The following TCERG1 variants were observed in gnomAD, a reference collection of about 807,000 sequenced individuals.
The protein encoded by TCERG1 is TATA box binding protein (TBP)-associated factor, RNA polymerase II, S, 150kD.
TCERG1 carries 37 observed loss-of-function variants against 144.7 expected under a neutral mutation model. That is an observed-to-expected ratio of 0.26 (90% CI 0.20 to 0.34). The LOEUF (loss-of-function observed/expected upper bound fraction) is 0.34, where lower values mean the gene tolerates loss of function less well. TCERG1 is among the 10% of genes least tolerant of loss of function. TCERG1 has a pLI of 1.00. For synonymous variants in TCERG1, 492 were observed against 458.2 expected (o/e 1.07, Z -0.94); for missense variants, 1,027 against 1,380.7 (o/e 0.74, Z 4.06).
Position 146,461,287 on chromosome 5 carries a change from G to A in TCERG1, c.892+1950G>A, listed in dbSNP as rs1763305385. Among the ~76,000 whole-genome samples the A allele has an allele frequency of 2.6e-5, 4 of 152,082 alleles. 1 individual carries two copies. The South Asian group carries it at 8.3e-4, about 31-fold the overall frequency. On this transcript the variant is annotated intron_variant, in intron 4 of 22. Coordinates refer to ENST00000679501, the MANE Select transcript of TCERG1 (RefSeq NM_001382548.1). ...ATTTTGATGTTGTCTACGTATTCCA[G>A]TGTGTGTTTTTATTTTACTTGATTT...
At chr5:146,496,823 C>T (rs1433543625) in intron 16 of TCERG1, among the ~76,000 whole-genome samples, 1 of 150,664 alleles carries the variant, frequency 6.6e-6, no homozygotes, top group Non-Finnish European at 1.5e-5. Context: ...TGCCACCATG[C>T]CCAACCAATT....
intron 17 of TCERG1, chr5:146,500,030 G>T (rs1218301479): frequency 2.0e-5 from 3 of 151,934 alleles, no homozygotes; most frequent in African/African-American, 7.3e-5. Flanking sequence ...TGCCCAGAAT[G>T]TGTTAATTTT....
chr5:146,479,095 A>G (rs1765108498), intron 10 of TCERG1, among the ~76,000 whole-genome samples: 1 of 152,166 alleles, frequency 6.6e-6, no homozygotes, highest in Non-Finnish European at 1.5e-5. Flanking sequence ...CTGAGACTAG[A>G]CACCTAAACC....
rs754940863 is a variant in TCERG1, at chr5:146,507,032, G to A, written c.2786G>A (p.Arg929His). The A allele has an allele frequency of 1.9e-6, 3 of 1,568,768 alleles. No homozygotes were observed. Among genetic ancestry groups the A allele is most frequent in the Non-Finnish European group, 2.6e-6 (3 of 1,164,446 alleles). Reference sequence around the variant, plus strand: ...TATATAATTTTTTCTCTTCAGGTACGTTCTTCAGATGTGTCATGGTCTGAT... The same window carrying A: ...TATATAATTTTTTCTCTTCAGGTACATTCTTCAGATGTGTCATGGTCTGAT... ...NFKALLSDMV[R>H]SSDVSWSDTR... The change falls in exon 20 of 23, where the codon CGT becomes CAT. Residue 929 changes from arginine (R) to histidine (H), a missense_variant. Arg to His is a conservative substitution (Grantham distance 29). Around this residue, in one of 6 missense-constraint regions of TCERG1, gnomAD observed 133 missense variants for 283.2 expected, o/e 0.47. Coordinates refer to ENST00000679501, the MANE Select transcript of TCERG1 (RefSeq NM_001382548.1). The surrounding 1 kb of genome is among the most constrained non-coding windows in gnomAD (Gnocchi z 4.6).
intron 2 of TCERG1, 37 bp from the exon 3 acceptor site, chr5:146,457,146 A>T (rs763910186): frequency 6.3e-7 from 1 of 1,595,304 alleles, no homozygotes; most frequent in South Asian, 1.1e-5. Flanking sequence ...GAGGAAAAGT[A>T]ATTAAAGTGA....
intron 15 of TCERG1, among the ~76,000 whole-genome samples, chr5:146,490,194 G>T (rs146760277): frequency 1.3e-3 from 201 of 152,270 alleles, no homozygotes; most frequent in African/African-American, 4.6e-3. Flanking sequence ...TCTAGCAGGG[G>T]ACTGGTCAGG....
chr5:146,499,469 G>A (rs1052265516), intron 17 of TCERG1: 5 of 152,182 alleles, frequency 3.3e-5, no homozygotes, highest in African/African-American at 1.2e-4. Context: ...AGCTAAAACA[G>A]CTTTTATCAG....
chr5:146,498,445 A>T, intron 16 of TCERG1, 91 bp from the exon 17 acceptor site: 1 of 1,383,582 alleles, frequency 7.2e-7, no homozygotes. Context: ...TCTTTGTCAT[A>T]TACTCTTGTT....
At chr5:146,461,335 C>A (rs920256075) in intron 4 of TCERG1, among the ~76,000 whole-genome samples, 1 of 152,084 alleles carries the variant, frequency 6.6e-6, no homozygotes, top group Admixed American at 6.5e-5. Flanking sequence ...TGTTGTCTTA[C>A]TGCAATCTTA....
chr5:146,464,078 TC>T (rs1442058058), intron 5 of TCERG1, among the ~76,000 whole-genome samples: 1 of 152,234 alleles, frequency 6.6e-6, no homozygotes, highest in East Asian at 1.9e-4. Flanking sequence ...TAAATAATGT[TC>T]TAAATGCAAT....
In TCERG1 at chr5:146,495,647, G is replaced by A. The variant is rs867666849; in HGVS notation, c.2282+2609G>A. ...CTTAAAAATAATAAATGTTAGCTGT[G>A]AGTGATACTCTTAACCTTCAGTTGA... is the stretch of plus-strand genomic sequence containing the variant. On this transcript the variant is annotated intron_variant, in intron 16 of 22. Transcript: ENST00000679501. Among the ~76,000 whole-genome samples the A allele has an allele frequency of 5.4e-4, 83 of 152,298 alleles. 1 individual carries two copies. The highest frequency in any genetic ancestry group is 1.9e-3 in the African/African-American group (81 of 41,556).
At chr5:146,461,545 A>G (rs555902702) in intron 4 of TCERG1, among the ~76,000 whole-genome samples, 7 of 152,224 alleles carry the variant, frequency 4.6e-5, no homozygotes, top group South Asian at 4.1e-4. Flanking sequence ...GTCGTGACTC[A>G]TGGCTGCTAA....
At chr5:146,502,244 A>G (rs1767546518) in intron 17 of TCERG1, among the ~76,000 whole-genome samples, 1 of 152,186 alleles carries the variant, frequency 6.6e-6, no homozygotes, top group Non-Finnish European at 1.5e-5. Context: ...TGATAGTGTT[A>G]GACTAGGCAG....
intron 14 of TCERG1, 25 bp from the exon 15 acceptor site, chr5:146,483,515 G>T (rs1317956051): frequency 6.3e-7 from 1 of 1,592,728 alleles, no homozygotes; most frequent in East Asian, 2.2e-5. Context: ...ACTTAATTAT[G>T]AGGCAATACG....
At chr5:146,501,179 T>C (rs1458187488) in intron 17 of TCERG1, among the ~76,000 whole-genome samples, 1 of 152,210 alleles carries the variant, frequency 6.6e-6, no homozygotes, top group Non-Finnish European at 1.5e-5. Flanking sequence ...TAATACACTG[T>C]TACAAAATTG....
At chr5:146,477,644 C>T (rs1338505806) in intron 9 of TCERG1, among the ~76,000 whole-genome samples, 1 of 143,044 alleles carries the variant, frequency 7.0e-6, no homozygotes, top group East Asian at 2.1e-4. Context: ...GCTTGTAGTG[C>T]TTGTAGTGGG....
At chr5:146,486,442 A>G (rs1765837551) in intron 15 of TCERG1, among the ~76,000 whole-genome samples, 2 of 152,224 alleles carry the variant, frequency 1.3e-5, no homozygotes, top group South Asian at 4.1e-4. Flanking sequence ...ATTGAATAAC[A>G]TTTTCCATAA....
intron 22 of TCERG1, among the ~76,000 whole-genome samples, chr5:146,509,649 A>G (rs898240266): frequency 5.3e-5 from 8 of 152,130 alleles, no homozygotes; most frequent in Non-Finnish European, 1.0e-4. Context: ...TAAAGCATGA[A>G]ATCATCTATT....
At chr5:146,477,333 C>T (rs1037888640) in intron 9 of TCERG1, among the ~76,000 whole-genome samples, 1 of 151,996 alleles carries the variant, frequency 6.6e-6, no homozygotes, top group Non-Finnish European at 1.5e-5. Flanking sequence ...TTGTAAGTTA[C>T]CTTGGACTTG....
Sources: gnomAD v4.1 joint callset for allele counts (sites outside exome capture counted in the v4.1 genomes callset) on GRCh38, gnomAD v4.1.1 for gene constraint, gnomAD v4.1.1 regional missense constraint, Gnocchi (gnomAD v3.1) non-coding constraint, MANE v1.5 for transcripts, NCBI Gene and HGNC (gene_info 2026-07-23, HGNC 2026-07-21) for gene names.